Variants in PALLD observed in about 807,000 individuals in gnomAD.
PALLD encodes palladin, cytoskeletal associated protein.
Under a neutral mutation model 123.5 loss-of-function variants are expected in PALLD, and 61 were observed. That is an observed-to-expected ratio of 0.49 (90% CI 0.40 to 0.61). The LOEUF (loss-of-function observed/expected upper bound fraction) is 0.61. Ranked by LOEUF, PALLD falls within the 20% of genes least tolerant of loss-of-function variation. PALLD has a pLI of 0.00. For missense variants in PALLD, 1,273 were observed against 1,377.0 expected, an observed-to-expected ratio of 0.92 and a Z score of 1.20; for synonymous variants, 465 against 496.4, an observed-to-expected ratio of 0.94 and a Z score of 0.84.
intron 10 of PALLD, among the ~76,000 whole-genome samples, chr4:168,785,846 GATATATATATATATATATATAT>G (rs6148775): frequency 2.5e-5 from 2 of 80,898 alleles, no homozygotes; most frequent in African/African-American, 3.9e-5. Flanking sequence ...AAACTGTAGA[GATATATATATATATATATATAT>G]ATATATATAG....
chr4:168,638,955 C>G (rs2149857837), intron 2 of PALLD, among the ~76,000 whole-genome samples: 1 of 152,252 alleles, frequency 6.6e-6, no homozygotes, highest in Admixed American at 6.5e-5. Context: ...CTCTCCCACT[C>G]CACACATTCC....
intron 2 of PALLD, among the ~76,000 whole-genome samples, chr4:168,652,934 A>G (rs1000339666): frequency 6.6e-6 from 1 of 152,224 alleles, no homozygotes; most frequent in African/African-American, 2.4e-5. Flanking sequence ...TTTAGTGTTC[A>G]GCACACCAGG....
chr4:168,776,247 C>G (rs1431831677), intron 10 of PALLD, among the ~76,000 whole-genome samples: 1 of 152,118 alleles, frequency 6.6e-6, no homozygotes, highest in Non-Finnish European at 1.5e-5. Context: ...TCTTGTACAT[C>G]TTTTGTTAGA....
At chr4:168,700,953 A>T (rs1783615322) in intron 8 of PALLD, 1 of 152,178 alleles carries the variant, frequency 6.6e-6, no homozygotes, top group African/African-American at 2.4e-5. Flanking sequence ...AAAATCTCCC[A>T]CTAGAGGCCT....
At chr4:168,698,116 C>T (rs1187917879) in intron 8 of PALLD, among the ~76,000 whole-genome samples, 1 of 152,110 alleles carries the variant, frequency 6.6e-6, no homozygotes. Context: ...ATAAGGCAGA[C>T]ACAGAAAGAC....
In PALLD at chr4:168,703,433, A is replaced by G. The variant is rs1165572878; in HGVS notation, c.1502-5595A>G. Among the ~76,000 whole-genome samples, 6 of 120,008 alleles carry G rather than the reference A, an allele frequency of 5.0e-5. No homozygotes were observed. In the East Asian group the frequency reaches 1.1e-3, roughly 22 times the overall value. 78.7% of individuals were successfully genotyped at this position (120,008 alleles called of 152,430 possible). On this transcript the variant is annotated intron_variant, in intron 8 of 21. Transcript: ENST00000505667. ...CTTTGGGTATATACCCAGTAATGGG[A>G]TGGCTGGGTCAAATGATATTTCCAG... is the stretch of plus-strand genomic sequence containing the variant.
At chr4:168,530,125 T>C (rs560512453) in intron 2 of PALLD, among the ~76,000 whole-genome samples, 2 of 152,344 alleles carry the variant, frequency 1.3e-5, no homozygotes, top group South Asian at 4.1e-4. Flanking sequence ...TGTACTTTGA[T>C]AGAAATGGAG....
At chr4:168,792,575 C>T (rs554547425) in intron 10 of PALLD, among the ~76,000 whole-genome samples, 2 of 151,820 alleles carry the variant, frequency 1.3e-5, no homozygotes. Flanking sequence ...GCCTCCCACT[C>T]GTCAAACTTT....
chr4:168,892,267 TG>T (rs1291095970), intron 11 of PALLD, among the ~76,000 whole-genome samples: 3 of 152,160 alleles, frequency 2.0e-5, no homozygotes, highest in Admixed American at 1.3e-4. Context: ...ATTAAGGAAT[TG>T]TCACTGGAAA....
intron 2 of PALLD, among the ~76,000 whole-genome samples, chr4:168,607,148 A>G (rs1245470383): frequency 2.6e-5 from 4 of 152,176 alleles, no homozygotes; most frequent in African/African-American, 9.7e-5. Context: ...GAGAAAAGGT[A>G]TGATATGAAT....
At chr4:168,529,479 C>T (rs1273493730) in intron 2 of PALLD, among the ~76,000 whole-genome samples, 1 of 152,146 alleles carries the variant, frequency 6.6e-6, no homozygotes, top group Non-Finnish European at 1.5e-5. Flanking sequence ...GCACAGCCTC[C>T]CCAGGCTCTT....
intron 2 of PALLD, among the ~76,000 whole-genome samples, chr4:168,579,227 G>A (rs1331119096): frequency 6.6e-6 from 1 of 152,158 alleles, no homozygotes; most frequent in Admixed American, 6.5e-5. Context: ...TTGAAAGTTG[G>A]TTAATCTCCC....
chr4:168,619,526 C>T (rs1774549888), intron 2 of PALLD, among the ~76,000 whole-genome samples: 2 of 152,244 alleles, frequency 1.3e-5, no homozygotes, highest in South Asian at 4.1e-4. Flanking sequence ...GGAGGCTCTT[C>T]AGGTGCCTGG....
At chr4:168,667,495 GGA>G (rs1256222545) in intron 2 of PALLD, among the ~76,000 whole-genome samples, 2 of 152,174 alleles carry the variant, frequency 1.3e-5, no homozygotes, top group African/African-American at 2.4e-5. Flanking sequence ...GGGGAAGAGA[GGA>G]GAGAGAGTGA....
chr4:168,837,695 A>T (rs918164335), intron 10 of PALLD, among the ~76,000 whole-genome samples: 2 of 152,192 alleles, frequency 1.3e-5, no homozygotes, highest in Non-Finnish European at 2.9e-5. Context: ...AGATTTTAAG[A>T]GGGTAAGTAA....
rs559378685 is a variant in PALLD, at chr4:168,898,117, T to G, written c.2251-376T>G. Reference sequence around the variant, plus strand: ...AGAGATGTACCACCCTGCATCAGCTTTTACCCTACAGAAGGAAATCAGCGT... The same window carrying G: ...AGAGATGTACCACCCTGCATCAGCTGTTACCCTACAGAAGGAAATCAGCGT... On this transcript the variant is annotated intron_variant, in intron 13 of 21. Coordinates refer to ENST00000505667, the MANE Select transcript of PALLD (RefSeq NM_001166108.2). The G allele has an allele frequency of 1.3e-4, 40 of 297,282 alleles. No individual in the cohort carries two copies. The South Asian group carries it at 1.4e-3, about 10-fold the overall frequency. 18.4% of individuals were successfully genotyped at this position (297,282 alleles called of 1,614,324 possible).
chr4:168,500,716 C>T (rs1761314599), intron 1 of PALLD, among the ~76,000 whole-genome samples: 1 of 152,018 alleles, frequency 6.6e-6, no homozygotes, highest in Admixed American at 6.6e-5. Flanking sequence ...GAGGATTCTC[C>T]CAAATATCAT....
intron 2 of PALLD, among the ~76,000 whole-genome samples, chr4:168,622,596 A>G (rs1191858325): frequency 6.6e-6 from 1 of 152,220 alleles, no homozygotes; most frequent in African/African-American, 2.4e-5. Context: ...TTTGAAGTTG[A>G]TTGCAATCTC....
At chr4:168,570,656 C>A (rs1233074795) in intron 2 of PALLD, among the ~76,000 whole-genome samples, 1 of 151,964 alleles carries the variant, frequency 6.6e-6, no homozygotes, top group Non-Finnish European at 1.5e-5. Flanking sequence ...ACAAAAGATC[C>A]TTTTTTCCAC....
Sources: gnomAD v4.1 joint callset for allele counts (sites outside exome capture counted in the v4.1 genomes callset) on GRCh38, gnomAD v4.1.1 for gene constraint, MANE v1.5 for transcripts, NCBI Gene and HGNC (gene_info 2026-07-23, HGNC 2026-07-21) for gene names.